Variants in XKR6 observed in about 807,000 individuals in gnomAD.
The protein encoded by XKR6 is XK-related protein 6.
A neutral mutation model predicts 56.7 loss-of-function variants in XKR6; 22 were observed. The ratio of observed to expected loss-of-function variants is 0.39; its 90% confidence interval spans 0.28 to 0.55. The LOEUF (loss-of-function observed/expected upper bound fraction) is 0.55. XKR6 is among the 20% of genes least tolerant of loss of function. The pLI is 0.66. For missense variants in XKR6, 852 were observed against 889.0 expected, an observed-to-expected ratio of 0.96 and a Z score of 0.53; for synonymous variants, 524 against 387.8, an observed-to-expected ratio of 1.35 and a Z score of -4.13.
intron 1 of XKR6, among the ~76,000 whole-genome samples, chr8:11,185,910 A>T (rs970303406): frequency 6.6e-6 from 1 of 152,218 alleles, no homozygotes; most frequent in African/African-American, 2.4e-5. Context: ...TTAAAAGCTA[A>T]TTTAAATAGT....
chr8:11,117,352 T>G lies in XKR6; in HGVS notation c.764+83224A>C, dbSNP rs17152882. Among the ~76,000 whole-genome samples the G allele has an allele frequency of 7.0e-3, 1,072 of 152,312 alleles. 11 individuals are homozygous for G. The highest frequency in any genetic ancestry group is 0.025 in the African/African-American group (1,027 of 41,572). On this transcript the variant is annotated intron_variant, in intron 1 of 2. Transcript: ENST00000416569. The stretch of plus-strand genomic sequence containing the variant: ...ACCCAGCAAAAACCAACAGCATTCT[T>G]AATTTCTGTGGGAGTCCTGCAACTT...
At position 11,197,827 on chromosome 8, in the gene XKR6, C is replaced by T. The variant is rs115616866; in HGVS notation, c.764+2749G>A. Among the ~76,000 whole-genome samples, 1,181 of 152,220 alleles carry T rather than the reference C, an allele frequency of 7.8e-3. 13 individuals are homozygous for T. The highest frequency in any genetic ancestry group is 0.027 in the African/African-American group (1,101 of 41,510). The stretch of plus-strand genomic sequence containing the variant: ...GAATGGCAAGATGCAGAGAAGTGCC[C>T]CACTTTAATATCGAGGGAAACTAAG... On this transcript the variant is annotated intron_variant, in intron 1 of 2. Coordinates refer to ENST00000416569, the MANE Select transcript of XKR6 (RefSeq NM_173683.4).
intron 1 of XKR6, among the ~76,000 whole-genome samples, chr8:11,142,275 G>C (rs1251415262): frequency 1.3e-5 from 2 of 152,052 alleles, no homozygotes; most frequent in Admixed American, 6.5e-5. Context: ...TTCTAGGCCT[G>C]GGCAAGATAT....
At chr8:10,919,943 A>T (rs1800664661) in intron 2 of XKR6, among the ~76,000 whole-genome samples, 1 of 152,248 alleles carries the variant, frequency 6.6e-6, no homozygotes, top group Non-Finnish European at 1.5e-5. Context: ...ATGATATATT[A>T]CTATTATTTC....
At chr8:10,998,929 G>C (rs1798176246) in intron 1 of XKR6, among the ~76,000 whole-genome samples, 1 of 152,202 alleles carries the variant, frequency 6.6e-6, no homozygotes, top group Non-Finnish European at 1.5e-5. Flanking sequence ...GACCAACTGT[G>C]TAGCCTGAGA....
chr8:10,932,776 T>C (rs1801098104), intron 1 of XKR6, among the ~76,000 whole-genome samples: 2 of 127,348 alleles, frequency 1.6e-5, no homozygotes, highest in African/African-American at 3.2e-5. Context: ...TATGGCTGCA[T>C]AGTATTCCAT....
intron 2 of XKR6, among the ~76,000 whole-genome samples, chr8:10,923,556 G>C (rs1406254811): frequency 6.6e-6 from 1 of 152,022 alleles, no homozygotes; most frequent in Non-Finnish European, 1.5e-5. Context: ...TCCCCTTTTT[G>C]CCTAAGTACC....
chr8:10,982,319 G>A lies in XKR6; in HGVS notation c.765-57489C>T, dbSNP rs143388794. On this transcript the variant is annotated intron_variant, in intron 1 of 2. Transcript: ENST00000416569. Reference sequence around the variant, plus strand: ...GGTTTCTCAAGAAAGAAGGAAGTCCGAAGAGATTTCCTATGTATTCTGTTT... The same window carrying A: ...GGTTTCTCAAGAAAGAAGGAAGTCCAAAGAGATTTCCTATGTATTCTGTTT... Among the ~76,000 whole-genome samples the A allele has an allele frequency of 3.3e-5, 5 of 152,340 alleles. No homozygotes were observed. In the East Asian group the frequency reaches 7.7e-4, roughly 23 times the overall value.
chr8:11,187,768 G>A (rs746157237), intron 1 of XKR6, among the ~76,000 whole-genome samples: 6 of 152,138 alleles, frequency 3.9e-5, no homozygotes, highest in Non-Finnish European at 8.8e-5. Context: ...GCACATGAAG[G>A]CTACACTCTG....
At chr8:11,033,370 G>A (rs1456946929) in intron 1 of XKR6, among the ~76,000 whole-genome samples, 5 of 148,608 alleles carry the variant, frequency 3.4e-5, no homozygotes, top group East Asian at 1.9e-4. Context: ...GATAGTGATG[G>A]TGATGGTGGT....
chr8:11,088,693 T>G (rs1797972432), intron 1 of XKR6, among the ~76,000 whole-genome samples: 1 of 152,240 alleles, frequency 6.6e-6, no homozygotes, highest in Non-Finnish European at 1.5e-5. Flanking sequence ...ATCTTAACAC[T>G]GATTTCAACG....
intron 2 of XKR6, among the ~76,000 whole-genome samples, chr8:10,924,091 C>T (rs1382764266): frequency 6.6e-6 from 1 of 152,218 alleles, no homozygotes; most frequent in Non-Finnish European, 1.5e-5. Context: ...TTGTTGCTTC[C>T]AGCCCCTCCT....
chr8:11,022,305 T>C lies in XKR6; in HGVS notation c.765-97475A>G, dbSNP rs77684178. ...GTGCATGGGCTGTAACCAAGCCCCA[T>C]TGTTCCACCTGGGTGATCATGGCCA... is the stretch of plus-strand genomic sequence containing the variant. On this transcript the variant is annotated intron_variant, in intron 1 of 2. Transcript: ENST00000416569. Among the ~76,000 whole-genome samples, 114 of 152,184 alleles carry C rather than the reference T, an allele frequency of 7.5e-4. 2 individuals are homozygous for C. In the East Asian group the frequency reaches 0.02, roughly 27 times the overall value.
At chr8:11,161,379 C>G (rs1174618628) in intron 1 of XKR6, among the ~76,000 whole-genome samples, 4 of 152,226 alleles carry the variant, frequency 2.6e-5, no homozygotes, top group African/African-American at 9.6e-5. Context: ...CTCCTCTCCT[C>G]ACCTGAACCA....
chr8:10,915,834 C>T (rs969213479), intron 2 of XKR6, among the ~76,000 whole-genome samples: 3 of 152,206 alleles, frequency 2.0e-5, no homozygotes, highest in Non-Finnish European at 4.4e-5. Flanking sequence ...CATGTTCTAG[C>T]GGGAGGAGGC....
intron 1 of XKR6, among the ~76,000 whole-genome samples, chr8:11,010,045 C>T (rs1384359708): frequency 6.6e-6 from 1 of 152,168 alleles, no homozygotes; most frequent in Non-Finnish European, 1.5e-5. Flanking sequence ...GTTTAATTGG[C>T]TCTTGGTTCT....
At chr8:11,052,133 C>G (rs1799565482) in intron 1 of XKR6, among the ~76,000 whole-genome samples, 1 of 152,172 alleles carries the variant, frequency 6.6e-6, no homozygotes, top group African/African-American at 2.4e-5. Flanking sequence ...AACTGGCTTC[C>G]CTGCTGCTCC....
At chr8:10,899,054 CG>C (rs1586279765) in intron 2 of XKR6, 138 bp from the exon 3 acceptor site, 1 of 1,352,504 alleles carries the variant, frequency 7.4e-7, no homozygotes, top group East Asian at 2.4e-5. Context: ...AATCAGGAAC[CG>C]AACTTGGAGG....
rs373654870 is a variant in XKR6, at chr8:11,201,160, G to A, written c.180C>T (p.Cys60=). The A allele has an allele frequency of 1.6e-4, 238 of 1,522,230 alleles. 1 individual carries two copies. In the East Asian group the frequency reaches 4.8e-3, roughly 31 times the overall value. 94.3% of individuals were successfully genotyped at this position (1,522,230 alleles called of 1,614,324 possible). ...ESSSMHICHC[C]NTSSCYWGCR... ...AGCCCCAGTAGCACGAGGAGGTGTT[G>A]CAGCAGTGGCAGATGTGCATCGAGC... Residue 60 remains cysteine (C), a synonymous_variant, in exon 1 of 3, where the codon TGC becomes TGT. Coordinates refer to ENST00000416569, the MANE Select transcript of XKR6 (RefSeq NM_173683.4).
Sources: allele counts gnomAD v4.1 joint callset (sites outside exome capture counted in the v4.1 genomes callset), GRCh38; gene constraint gnomAD v4.1.1; transcripts MANE v1.5; gene names NCBI Gene and HGNC (gene_info 2026-07-23, HGNC 2026-07-21).